The following RBP2 variants were observed in gnomAD, a reference collection of about 807,000 sequenced individuals.
RBP2 encodes the protein retinol binding protein 2.
Under a neutral mutation model 17.0 loss-of-function variants are expected in RBP2, and 17 were observed. The ratio of observed to expected loss-of-function variants is 1.00; its 90% CI spans 0.68 to 1.50. The LOEUF (loss-of-function observed/expected upper bound fraction) is 1.50. RBP2 is among the 40% of genes most tolerant of loss of function. The pLI is 0.00. For missense variants in RBP2, 158 were observed against 168.2 expected (o/e 0.94, Z 0.33); for synonymous variants, 48 against 57.1 (o/e 0.84, Z 0.72).
intron 1 of RBP2, chr3:139,466,844 A>G (rs1933383062): frequency 6.6e-6 from 1 of 152,234 alleles, no homozygotes; most frequent in African/African-American, 2.4e-5. Flanking sequence ...TCCCTTGAAC[A>G]GTTGCTCTCT....
chr3:139,455,926 T>C (rs945584808), intron 2 of RBP2, among the ~76,000 whole-genome samples: 1 of 152,196 alleles, frequency 6.6e-6, no homozygotes, highest in African/African-American at 2.4e-5. Flanking sequence ...GTTTACAAAC[T>C]ATTTACTCTT....
At chr3:139,465,087 G>T (rs1312692609) in intron 1 of RBP2, among the ~76,000 whole-genome samples, 1 of 152,212 alleles carries the variant, frequency 6.6e-6, no homozygotes, top group Non-Finnish European at 1.5e-5. Flanking sequence ...TACAGCAATT[G>T]TAGTGGCTTG....
chr3:139,456,882 T>C (rs1559804062), intron 2 of RBP2, among the ~76,000 whole-genome samples: 1 of 152,168 alleles, frequency 6.6e-6, no homozygotes, highest in Non-Finnish European at 1.5e-5. Flanking sequence ...GAAGCTATAT[T>C]CATAGGTTGC....
At chr3:139,476,345 C>G (rs758093750) in intron 1 of RBP2, 42 bp downstream of exon 1, 1 of 1,576,076 alleles carries the variant, frequency 6.3e-7, no homozygotes, top group Non-Finnish European at 8.7e-7. Context: ...CCACAGTACT[C>G]CCAACAACAG....
intron 1 of RBP2, among the ~76,000 whole-genome samples, chr3:139,463,026 G>T (rs978295857): frequency 6.6e-6 from 1 of 151,906 alleles, no homozygotes; most frequent in South Asian, 2.1e-4. Context: ...TAGAGATGGG[G>T]TTTCACCATT....
At chr3:139,456,838 C>A (rs1382221356) in intron 2 of RBP2, among the ~76,000 whole-genome samples, 1 of 152,120 alleles carries the variant, frequency 6.6e-6, no homozygotes, top group Non-Finnish European at 1.5e-5. Context: ...TCCTTTAGGA[C>A]CATCCTAAAC....
intron 1 of RBP2, among the ~76,000 whole-genome samples, chr3:139,469,658 C>T (rs1559807961): frequency 1.4e-5 from 2 of 138,698 alleles, no homozygotes; most frequent in African/African-American, 2.5e-5. Flanking sequence ...GAGCATCAGA[C>T]ATCTATCTGT....
chr3:139,453,593 A>G (rs761243400), intron 3 of RBP2, among the ~76,000 whole-genome samples: 7 of 152,230 alleles, frequency 4.6e-5, no homozygotes, highest in Non-Finnish European at 1.0e-4. Context: ...TGATTAGAAC[A>G]TTGGCTGGTG....
chr3:139,474,265 G>A (rs2107885557), intron 1 of RBP2, among the ~76,000 whole-genome samples: 1 of 152,264 alleles, frequency 6.6e-6, no homozygotes, highest in Middle Eastern at 3.4e-3. Context: ...AGAGTCCAGA[G>A]GAAGGCTGTT....
chr3:139,463,131 C>G (rs1390495540), intron 1 of RBP2, among the ~76,000 whole-genome samples: 2 of 152,072 alleles, frequency 1.3e-5, no homozygotes, highest in Non-Finnish European at 2.9e-5. Context: ...TCATGCCTGG[C>G]CCCCAAGGTA....
intron 3 of RBP2, 79 bp downstream of exon 3, chr3:139,454,650 T>C: frequency 2.1e-6 from 3 of 1,410,610 alleles, no homozygotes; most frequent in East Asian, 2.3e-5. Context: ...CCATTTTTCT[T>C]GTCAAAACAC....
At position 139,462,031 on chromosome 3, in the gene RBP2, A is replaced by AT. The variant is rs202089726; in HGVS notation, c.252+80dup. 8,866 of 1,303,090 alleles carry AT rather than the reference A, an allele frequency of 6.8e-3. 2 individuals carry two copies. The highest frequency in any genetic ancestry group is 8.2e-3 in the South Asian group (559 of 68,074). 80.7% of individuals were successfully genotyped at this position (1,303,090 alleles called of 1,614,324 possible). On this transcript the variant is annotated intron_variant, in intron 2 of 3. Coordinates refer to ENST00000232217, the MANE Select transcript of RBP2 (RefSeq NM_004164.3). ...TGATTTTTCCCAGGTTGTTTCTAATATTTTTTTTTTCATCATGATACCAAA... is the reference window on the plus strand; with the variant it reads ...TGATTTTTCCCAGGTTGTTTCTAATATTTTTTTTTTTCATCATGATACCAAA...
At chr3:139,459,368 C>T (rs1323037334) in intron 2 of RBP2, among the ~76,000 whole-genome samples, 6 of 143,530 alleles carry the variant, frequency 4.2e-5, no homozygotes, top group Non-Finnish European at 9.1e-5. Flanking sequence ...CCAGCCTGAC[C>T]AACATGGTGA....
chr3:139,455,056 TCTA>T (rs1943371220), intron 2 of RBP2, among the ~76,000 whole-genome samples: 1 of 152,222 alleles, frequency 6.6e-6, no homozygotes, highest in Admixed American at 6.5e-5. Flanking sequence ...TTCAAGGAAT[TCTA>T]CTCTTCCATT....
At chr3:139,456,322 G>A (rs1036176726) in intron 2 of RBP2, among the ~76,000 whole-genome samples, 2 of 152,100 alleles carry the variant, frequency 1.3e-5, no homozygotes, top group African/African-American at 4.8e-5. Context: ...GTTTTCTACA[G>A]ATTGTTAAAT....
At chr3:139,475,831 C>T (rs912690211) in intron 1 of RBP2, among the ~76,000 whole-genome samples, 11 of 152,312 alleles carry the variant, frequency 7.2e-5, no homozygotes, top group South Asian at 2.1e-4. Flanking sequence ...CAATTGGTAG[C>T]CCTTGGCCTG....
intron 1 of RBP2, among the ~76,000 whole-genome samples, chr3:139,473,641 T>A (rs1933635856): frequency 6.6e-6 from 1 of 152,168 alleles, no homozygotes; most frequent in South Asian, 2.1e-4. Flanking sequence ...GCCTGTCTTA[T>A]GTCCTGGGCA....
chr3:139,469,359 G>A (rs1428691569), intron 1 of RBP2, among the ~76,000 whole-genome samples: 3 of 152,052 alleles, frequency 2.0e-5, no homozygotes, highest in Non-Finnish European at 4.4e-5. Context: ...GGAGACCCTA[G>A]GGTGCCTCCC....
In RBP2 at chr3:139,454,717, C is replaced by T. The variant is rs373285387; in HGVS notation, c.354+12G>A. 2.2e-5 allele frequency: 36 copies of T among 1,612,914 alleles called. No homozygotes were observed. In the African/African-American group the frequency reaches 4.8e-4, roughly 22 times the overall value. ...CACAATGGAAGTGAGCTGAGCAGAACCCAGTACTTACCAGGTACAGCTTGT... is the reference window on the plus strand; with the variant it reads ...CACAATGGAAGTGAGCTGAGCAGAATCCAGTACTTACCAGGTACAGCTTGT... On this transcript the variant is annotated intron_variant, in intron 3 of 3. Coordinates refer to ENST00000232217, the MANE Select transcript of RBP2 (RefSeq NM_004164.3).
Sources: gnomAD v4.1 joint callset for allele counts (sites outside exome capture counted in the v4.1 genomes callset) on GRCh38, gnomAD v4.1.1 for gene constraint, MANE v1.5 for transcripts, NCBI Gene and HGNC (gene_info 2026-07-23, HGNC 2026-07-21) for gene names.